The following SLC25A21 variants were observed in gnomAD, a reference collection of about 807,000 sequenced individuals.
SLC25A21 encodes the protein mitochondrial 2-oxodicarboxylate carrier.
A neutral mutation model predicts 43.8 loss-of-function variants in SLC25A21; 47 were observed. That is an observed-to-expected ratio of 1.07 (90% CI 0.85 to 1.37). SLC25A21 has a LOEUF of 1.37. Among genes scored for constraint, SLC25A21 ranks in the 40% most tolerant of loss-of-function variants. The probability of loss-of-function intolerance (pLI) is 0.00; values close to 1 mark genes in which losing one functional copy is unlikely to be tolerated. For synonymous variants in SLC25A21, 131 were observed against 121.3 expected (o/e 1.08, Z -0.52); for missense variants, 352 against 350.2 (o/e 1.00, Z -0.04).
At chr14:36,988,933 T>C (rs573020548) in intron 1 of SLC25A21, among the ~76,000 whole-genome samples, 9 of 152,370 alleles carry the variant, frequency 5.9e-5, no homozygotes, top group African/African-American at 2.2e-4. Context: ...TCTAGAATTA[T>C]AGTACATTGA....
chr14:37,118,637 G>C (rs1963150159), intron 1 of SLC25A21, among the ~76,000 whole-genome samples: 1 of 152,060 alleles, frequency 6.6e-6, no homozygotes, highest in Admixed American at 6.6e-5. Flanking sequence ...AGATATTTAA[G>C]GATTGAGACA....
chr14:37,156,035 T>C (rs1594822270), intron 1 of SLC25A21, among the ~76,000 whole-genome samples: 1 of 152,060 alleles, frequency 6.6e-6, no homozygotes, highest in African/African-American at 2.4e-5. Context: ...GGTGCATGTC[T>C]GTAACCCCAG....
intron 2 of SLC25A21, among the ~76,000 whole-genome samples, chr14:36,846,285 C>A (rs749764097): frequency 9.2e-5 from 14 of 152,142 alleles, no homozygotes; most frequent in African/African-American, 3.4e-4. Context: ...ATGACCAGAA[C>A]AACGTATTGA....
At chr14:36,840,003 G>A (rs1296881901) in intron 2 of SLC25A21, among the ~76,000 whole-genome samples, 1 of 152,180 alleles carries the variant, frequency 6.6e-6, no homozygotes, top group Non-Finnish European at 1.5e-5. Context: ...ACTTCTGGGA[G>A]GTGGTCAAAA....
At chr14:36,817,568 T>C (rs1888499640) in intron 2 of SLC25A21, among the ~76,000 whole-genome samples, 1 of 152,124 alleles carries the variant, frequency 6.6e-6, no homozygotes, top group Non-Finnish European at 1.5e-5. Flanking sequence ...AGTGGTTTGG[T>C]AGAAGGTATA....
intron 1 of SLC25A21, among the ~76,000 whole-genome samples, chr14:37,074,621 C>T (rs1962242016): frequency 6.6e-6 from 1 of 152,128 alleles, no homozygotes; most frequent in Non-Finnish European, 1.5e-5. Context: ...CACCTGAGGT[C>T]AGTAGTTCGA....
intron 1 of SLC25A21, among the ~76,000 whole-genome samples, chr14:36,941,621 T>C (rs1892559827): frequency 6.6e-6 from 1 of 151,818 alleles, no homozygotes; most frequent in Non-Finnish European, 1.5e-5. Flanking sequence ...TATACTTTCT[T>C]ATGTAGTTTA....
At chr14:36,769,188 G>A (rs776227398) in intron 3 of SLC25A21, among the ~76,000 whole-genome samples, 1 of 152,110 alleles carries the variant, frequency 6.6e-6, no homozygotes, top group Non-Finnish European at 1.5e-5. Flanking sequence ...GTGTGATCAC[G>A]GGGCTCCTCC....
At chr14:36,796,554 A>G (rs1406925620) in intron 3 of SLC25A21, among the ~76,000 whole-genome samples, 1 of 152,068 alleles carries the variant, frequency 6.6e-6, no homozygotes, top group Non-Finnish European at 1.5e-5. Context: ...CAAGATGTGT[A>G]CAATAGGATC....
At chr14:36,944,878 G>GT (rs1230624764) in intron 1 of SLC25A21, among the ~76,000 whole-genome samples, 1 of 152,072 alleles carries the variant, frequency 6.6e-6, no homozygotes, top group East Asian at 1.9e-4. Context: ...TATTTTTGTT[G>GT]TGTGAATCAA....
chr14:36,824,802 T>TG (rs1888763493), intron 2 of SLC25A21, among the ~76,000 whole-genome samples: 1 of 99,596 alleles, frequency 1.0e-5, no homozygotes, highest in East Asian at 3.6e-4. Flanking sequence ...TCTGGAATCC[T>TG]AAAAAAAAAA....
At chr14:36,717,351 CA>C (rs576030124) in intron 6 of SLC25A21, among the ~76,000 whole-genome samples, 46 of 152,184 alleles carry the variant, frequency 3.0e-4, no homozygotes, top group African/African-American at 1.1e-3. Context: ...TGATTATGAA[CA>C]AAAAAGATAC....
At chr14:36,776,238 C>CTTTTTTTTTTTTTTTTTTTTTTTT (rs35856297) in intron 3 of SLC25A21, among the ~76,000 whole-genome samples, 2 of 89,902 alleles carry the variant, frequency 2.2e-5, no homozygotes, top group African/African-American at 1.0e-4. Context: ...TTCTTTCTTT[C>CTTTTTTTTTTTTTTTTTTTTTTTT]TTTTTTTTTT....
chr14:36,786,220 A>C (rs574951330), intron 3 of SLC25A21, among the ~76,000 whole-genome samples: 12 of 152,294 alleles, frequency 7.9e-5, no homozygotes, highest in African/African-American at 2.9e-4. Flanking sequence ...ACATAATGTA[A>C]TGTGTGTAAA....
chr14:37,080,514 C>T (rs1232193333), intron 1 of SLC25A21, among the ~76,000 whole-genome samples: 1 of 152,108 alleles, frequency 6.6e-6, no homozygotes, highest in Non-Finnish European at 1.5e-5. Context: ...GTGGGAGGAT[C>T]GCCTGAGCCC....
intron 1 of SLC25A21, among the ~76,000 whole-genome samples, chr14:36,927,412 A>G (rs1406554043): frequency 6.6e-6 from 1 of 152,156 alleles, no homozygotes; most frequent in Non-Finnish European, 1.5e-5. Flanking sequence ...TTTATCACTT[A>G]TTCTCACTTC....
intron 1 of SLC25A21, among the ~76,000 whole-genome samples, chr14:37,083,156 GTA>G (rs935522867): frequency 3.1e-4 from 47 of 152,286 alleles, no homozygotes; most frequent in African/African-American, 1.1e-3. Flanking sequence ...AATAAAAGAG[GTA>G]TAATAGGATG....
intron 1 of SLC25A21, among the ~76,000 whole-genome samples, chr14:36,878,944 T>A (rs1890628316): frequency 6.6e-6 from 1 of 152,132 alleles, no homozygotes; most frequent in Admixed American, 6.6e-5. Flanking sequence ...AGTAACACCT[T>A]CTCTGGGGAA....
chr14:36,750,903 G>A (rs1488083340), intron 3 of SLC25A21, among the ~76,000 whole-genome samples: 1 of 152,044 alleles, frequency 6.6e-6, no homozygotes. Context: ...GCTGATTGTG[G>A]GAGTGCTTCA....
Sources: allele counts gnomAD v4.1 joint callset (sites outside exome capture counted in the v4.1 genomes callset), GRCh38; gene constraint gnomAD v4.1.1; transcripts MANE v1.5; gene names NCBI Gene and HGNC (gene_info 2026-07-23, HGNC 2026-07-21).